Variants in ADGRB3 observed in about 807,000 individuals in gnomAD.
The protein encoded by ADGRB3 is brain-specific angiogenesis inhibitor 3.
A neutral mutation model predicts 193.4 loss-of-function variants in ADGRB3; 37 were observed. The observed-to-expected ratio is 0.19, with a 90% CI of 0.15 to 0.25. The LOEUF (loss-of-function observed/expected upper bound fraction) is 0.25, where lower values mean the gene tolerates loss of function less well. Among genes scored for constraint, ADGRB3 ranks in the 10% least tolerant of loss-of-function variants. ADGRB3 has a pLI of 1.00. For synonymous variants in ADGRB3, 690 were observed against 644.2 expected, an observed-to-expected ratio of 1.07 and a Z score of -1.08; for missense variants, 1,637 against 1,852.9, an observed-to-expected ratio of 0.88 and a Z score of 2.14.
chr6:69,372,139 G>A (rs888201599), intron 29 of ADGRB3, among the ~76,000 whole-genome samples: 1 of 152,018 alleles, frequency 6.6e-6, no homozygotes, highest in South Asian at 2.1e-4. Flanking sequence ...TTAGGGTTAA[G>A]AGGTCAAAAT....
At chr6:69,354,686 C>T (rs1769299623) in intron 27 of ADGRB3, among the ~76,000 whole-genome samples, 1 of 152,136 alleles carries the variant, frequency 6.6e-6, no homozygotes, top group Non-Finnish European at 1.5e-5. Flanking sequence ...GGTTCTTGGC[C>T]TTAGTGAAAC....
intron 4 of ADGRB3, among the ~76,000 whole-genome samples, chr6:68,931,847 G>A (rs1042960860): frequency 2.0e-5 from 3 of 152,122 alleles, no homozygotes; most frequent in Admixed American, 6.6e-5. Flanking sequence ...AATTTTACAA[G>A]GATTCACTTT....
At chr6:68,639,586 A>C (rs941216365) in intron 3 of ADGRB3, among the ~76,000 whole-genome samples, 154 bp downstream of exon 3, 1 of 152,028 alleles carries the variant, frequency 6.6e-6, no homozygotes, top group African/African-American at 2.4e-5. Flanking sequence ...AGGTCTCTTG[A>C]GCTAGTTTTA....
chr6:69,236,895 A>G (rs890600232), intron 19 of ADGRB3, among the ~76,000 whole-genome samples: 27 of 152,040 alleles, frequency 1.8e-4, no homozygotes, highest in African/African-American at 6.5e-4. Context: ...GATGAACTTG[A>G]GAATTACAGA....
intron 3 of ADGRB3, among the ~76,000 whole-genome samples, chr6:68,688,528 G>A (rs1174973073): frequency 1.3e-5 from 2 of 152,078 alleles, no homozygotes; most frequent in African/African-American, 2.4e-5. Flanking sequence ...CACCACAACT[G>A]GATCTCAAAT....
chr6:68,976,144 C>CTTTTACTG (rs1339118560), intron 10 of ADGRB3, among the ~76,000 whole-genome samples: 4 of 152,058 alleles, frequency 2.6e-5, no homozygotes, highest in Non-Finnish European at 5.9e-5. Context: ...CTTATATTTT[C>CTTTTACTG]TTTTACTGTT....
rs375227737 is a variant in ADGRB3, at chr6:68,956,609, A to G, written c.1361-36A>G. 5.6e-6 allele frequency: 9 copies of G among 1,611,682 alleles called. No individual in the cohort carries two copies. The African/African-American group carries it at 1.2e-4, about 22-fold the overall frequency. The stretch of plus-strand genomic sequence containing the variant: ...TAAAATTTTTAAAGGAGTGTGTGGT[A>G]GATGACTGACATTGACCATGAAACA... On this transcript the variant is annotated intron_variant, in intron 7 of 31. Coordinates refer to ENST00000370598, the MANE Select transcript of ADGRB3 (RefSeq NM_001704.3).
chr6:69,083,771 C>CTTT (rs35483512), intron 17 of ADGRB3, among the ~76,000 whole-genome samples: 3 of 102,230 alleles, frequency 2.9e-5, no homozygotes, highest in African/African-American at 1.1e-4. Flanking sequence ...TTAACTGTTA[C>CTTT]TTTTTTTTTT....
At chr6:68,864,449 C>A (rs1350250757) in intron 3 of ADGRB3, among the ~76,000 whole-genome samples, 1 of 152,116 alleles carries the variant, frequency 6.6e-6, no homozygotes, top group Non-Finnish European at 1.5e-5. Context: ...AGGCCATAGT[C>A]TTAAAGGAAG....
intron 17 of ADGRB3, among the ~76,000 whole-genome samples, chr6:69,228,755 G>C (rs1766073977): frequency 6.6e-6 from 1 of 152,118 alleles, no homozygotes; most frequent in Non-Finnish European, 1.5e-5. Context: ...TAATTTCATA[G>C]GACATGTTCA....
chr6:69,040,258 G>A (rs1216398586), intron 13 of ADGRB3, among the ~76,000 whole-genome samples: 2 of 151,700 alleles, frequency 1.3e-5, no homozygotes, highest in African/African-American at 2.4e-5. Context: ...TGTCTTCATC[G>A]CTTTCCCCCA....
chr6:68,902,733 T>A (rs1220622384), intron 3 of ADGRB3, among the ~76,000 whole-genome samples: 1 of 152,124 alleles, frequency 6.6e-6, no homozygotes, highest in Non-Finnish European at 1.5e-5. Context: ...TTTGCATTTG[T>A]ATGATAAACT....
intron 3 of ADGRB3, among the ~76,000 whole-genome samples, chr6:68,674,353 AT>A (rs762272085): frequency 1.3e-5 from 2 of 152,240 alleles, no homozygotes; most frequent in African/African-American, 4.8e-5. Flanking sequence ...ATAGAAGGGA[AT>A]TTTTTTGCCA....
chr6:68,964,157 TGTA>T (rs752826102), intron 8 of ADGRB3, among the ~76,000 whole-genome samples: 1 of 152,216 alleles, frequency 6.6e-6, no homozygotes, highest in Non-Finnish European at 1.5e-5. Context: ...TTTTTTATAT[TGTA>T]GTTATAAATT....
intron 3 of ADGRB3, among the ~76,000 whole-genome samples, chr6:68,904,409 G>C (rs1766487895): frequency 6.6e-6 from 1 of 152,130 alleles, no homozygotes; most frequent in South Asian, 2.1e-4. Context: ...ACATCATTAT[G>C]TTGCATATGA....
intron 4 of ADGRB3, among the ~76,000 whole-genome samples, chr6:68,936,108 G>A (rs1260795285): frequency 1.3e-5 from 2 of 152,234 alleles, no homozygotes; most frequent in East Asian, 3.9e-4. Flanking sequence ...GGACTAAGGA[G>A]GAACACATCA....
At chr6:69,369,109 T>C (rs544644873) in intron 29 of ADGRB3, among the ~76,000 whole-genome samples, 1 of 152,284 alleles carries the variant, frequency 6.6e-6, no homozygotes, top group African/African-American at 2.4e-5. Flanking sequence ...TTAAAAGTTA[T>C]CAGATTATCA....
At chr6:68,767,992 G>T (rs1315766758) in intron 3 of ADGRB3, among the ~76,000 whole-genome samples, 1 of 152,036 alleles carries the variant, frequency 6.6e-6, no homozygotes, top group African/African-American at 2.4e-5. Flanking sequence ...GGGATGTGAA[G>T]GACCTCTTCA....
chr6:68,864,388 C>T (rs1433835172), intron 3 of ADGRB3, among the ~76,000 whole-genome samples: 1 of 152,112 alleles, frequency 6.6e-6, no homozygotes, highest in East Asian at 1.9e-4. Flanking sequence ...GAAGTTGCAG[C>T]AAATTGACTA....
Sources: gnomAD v4.1 joint callset for allele counts (sites outside exome capture counted in the v4.1 genomes callset) on GRCh38, gnomAD v4.1.1 for gene constraint, MANE v1.5 for transcripts, NCBI Gene and HGNC (gene_info 2026-07-23, HGNC 2026-07-21) for gene names.